GRIK2: variants seen among roughly 807,000 people sequenced by gnomAD.
GRIK2 encodes glutamate receptor ionotropic, kainate 2.
A neutral mutation model predicts 100.3 loss-of-function variants in GRIK2; 32 were observed. That is an observed-to-expected ratio of 0.32 (90% CI 0.24 to 0.43). The LOEUF is 0.43. Among genes scored for constraint, GRIK2 ranks in the 20% least tolerant of loss-of-function variants. The probability of loss-of-function intolerance (pLI) is 1.00; values close to 1 mark genes in which losing one functional copy is unlikely to be tolerated. For missense variants in GRIK2, 843 were observed against 1,114.9 expected (o/e 0.76, Z 3.47); for synonymous variants, 417 against 389.4 (o/e 1.07, Z -0.83).
chr6:101,495,818 T>TA (rs1773413389), intron 2 of GRIK2, among the ~76,000 whole-genome samples: 1 of 152,066 alleles, frequency 6.6e-6, no homozygotes. Context: ...TTTTTTTTTT[T>TA]AACATAAGAT....
chr6:101,767,413 A>C (rs1438065891), intron 7 of GRIK2, among the ~76,000 whole-genome samples: 1 of 152,100 alleles, frequency 6.6e-6, no homozygotes, highest in Non-Finnish European at 1.5e-5. Context: ...TTCTTTATGT[A>C]TTTATGGAGA....
At chr6:101,958,421 T>C (rs1792081471) in intron 14 of GRIK2, among the ~76,000 whole-genome samples, 1 of 152,084 alleles carries the variant, frequency 6.6e-6, no homozygotes, top group Non-Finnish European at 1.5e-5. Context: ...TCTAGAAGTC[T>C]TTTGGATAGT....
chr6:101,573,002 A>G (rs998109113), intron 2 of GRIK2, among the ~76,000 whole-genome samples: 2 of 151,664 alleles, frequency 1.3e-5, no homozygotes, highest in African/African-American at 4.8e-5. Context: ...GCCTGCCACC[A>G]TTCCCGGCTT....
intron 2 of GRIK2, among the ~76,000 whole-genome samples, chr6:101,504,655 C>G (rs1378763212): frequency 6.6e-6 from 1 of 151,576 alleles, no homozygotes; most frequent in East Asian, 1.9e-4. Flanking sequence ...AGTAATGGAA[C>G]CTTTAGTTAA....
chr6:101,461,932 T>A (rs1771327775), intron 2 of GRIK2, among the ~76,000 whole-genome samples: 1 of 152,204 alleles, frequency 6.6e-6, no homozygotes, highest in Non-Finnish European at 1.5e-5. Context: ...TTCCCTGACA[T>A]TCCTAGCTAT....
chr6:101,684,219 C>T (rs1351320039), intron 6 of GRIK2, among the ~76,000 whole-genome samples: 2 of 152,216 alleles, frequency 1.3e-5, no homozygotes, highest in East Asian at 1.9e-4. Flanking sequence ...CCCTCATCAG[C>T]AAATTATATT....
intron 14 of GRIK2, among the ~76,000 whole-genome samples, chr6:102,016,521 A>G (rs1795842819): frequency 1.3e-5 from 2 of 151,424 alleles, no homozygotes; most frequent in African/African-American, 2.4e-5. Flanking sequence ...CTAAAACTTA[A>G]AGTATAATAA....
chr6:101,842,203 T>G (rs1262677489), intron 10 of GRIK2, among the ~76,000 whole-genome samples: 2 of 152,256 alleles, frequency 1.3e-5, no homozygotes, highest in East Asian at 3.9e-4. Flanking sequence ...TTCTAATATG[T>G]TTTTTAACAT....
intron 2 of GRIK2, among the ~76,000 whole-genome samples, chr6:101,612,379 G>A (rs562932482): frequency 9.9e-5 from 15 of 151,840 alleles, no homozygotes; most frequent in East Asian, 1.9e-4. Flanking sequence ...GACAGAAAAC[G>A]TGAGTCAAAT....
chr6:101,605,712 A>AT (rs988087327), intron 2 of GRIK2, among the ~76,000 whole-genome samples: 40 of 151,792 alleles, frequency 2.6e-4, no homozygotes, highest in African/African-American at 9.4e-4. Flanking sequence ...CTTTAACTAC[A>AT]TTTTTTCCTT....
At chr6:102,062,535 A>G (rs933340788) in intron 16 of GRIK2, among the ~76,000 whole-genome samples, 1 of 150,614 alleles carries the variant, frequency 6.6e-6, no homozygotes, top group Admixed American at 6.6e-5. Context: ...GAAAGATGCT[A>G]CATGTAAAGT....
chr6:101,454,170 T>C (rs1349468584), intron 2 of GRIK2, among the ~76,000 whole-genome samples: 1 of 152,132 alleles, frequency 6.6e-6, no homozygotes, highest in African/African-American at 2.4e-5. Flanking sequence ...CTTTGATTGG[T>C]ATCATCATCA....
intron 14 of GRIK2, among the ~76,000 whole-genome samples, chr6:101,959,275 T>C (rs1792136479): frequency 6.6e-6 from 1 of 152,160 alleles, no homozygotes; most frequent in South Asian, 2.1e-4. Context: ...TCATTACTGA[T>C]TCAATGTCAT....
At chr6:101,482,048 C>T (rs1772559867) in intron 2 of GRIK2, among the ~76,000 whole-genome samples, 1 of 152,150 alleles carries the variant, frequency 6.6e-6, no homozygotes, top group African/African-American at 2.4e-5. Flanking sequence ...AACTGTGAGT[C>T]AATTAAACCT....
At chr6:102,001,902 G>A (rs561798231) in intron 14 of GRIK2, among the ~76,000 whole-genome samples, 1 of 151,292 alleles carries the variant, frequency 6.6e-6, no homozygotes, top group East Asian at 2.0e-4. Context: ...TAATTTGATT[G>A]CTAATTTAAT....
At chr6:101,444,069 T>G (rs2251122) in intron 2 of GRIK2, among the ~76,000 whole-genome samples, 72,518 of 146,434 alleles carry the variant, frequency 0.5, 17,928 homozygotes, top group South Asian at 0.55. Flanking sequence ...TTCCGGGTTT[T>G]TTTGTTTGTT....
chr6:101,826,384 G>A (rs147269401), intron 10 of GRIK2, among the ~76,000 whole-genome samples: 50 of 152,122 alleles, frequency 3.3e-4, no homozygotes, highest in African/African-American at 1.1e-3. Flanking sequence ...GGATGAAGAC[G>A]TAAAGGTTAA....
At chr6:101,958,283 G>GTGTGTGTGTGTGTGT (rs71028091) in intron 14 of GRIK2, among the ~76,000 whole-genome samples, 31 of 150,854 alleles carry the variant, frequency 2.1e-4, no homozygotes, top group Middle Eastern at 3.4e-3. Flanking sequence ...GTGTGTGTGT[G>GTGTGTGTGTGTGTGT]GGTCCATTGC....
intron 4 of GRIK2, among the ~76,000 whole-genome samples, chr6:101,636,577 A>C (rs1781027894): frequency 6.6e-6 from 1 of 152,206 alleles, no homozygotes; most frequent in Non-Finnish European, 1.5e-5. Flanking sequence ...TATAGGACTA[A>C]TTCTCAAGTT....
Sources: allele counts gnomAD v4.1 joint callset (sites outside exome capture counted in the v4.1 genomes callset), GRCh38; gene constraint gnomAD v4.1.1; transcripts MANE v1.5; gene names NCBI Gene and HGNC (gene_info 2026-07-23, HGNC 2026-07-21).